Variants in ZNF845 observed in about 807,000 individuals in gnomAD.
ZNF845 encodes the protein zinc finger protein 845.
ZNF845 carries 59 observed loss-of-function variants against 76.1 expected under a neutral mutation model. That is an observed-to-expected ratio of 0.78 (90% CI 0.63 to 0.96). ZNF845 has a LOEUF of 0.96. Among genes scored for constraint, ZNF845 ranks in the 40% least tolerant of loss-of-function variants. The pLI is 0.00. For missense variants in ZNF845, 1,045 were observed against 1,172.8 expected (o/e 0.89, Z 1.59); for synonymous variants, 361 against 386.9 (o/e 0.93, Z 0.78).
intron 1 of ZNF845, among the ~76,000 whole-genome samples, chr19:53,336,917 T>G (rs553689776): frequency 6.6e-6 from 1 of 152,364 alleles, no homozygotes; most frequent in South Asian, 2.1e-4. Context: ...AAATGTAGTT[T>G]AACGAGTTAG....
At chr19:53,348,705 A>T (rs1599982914) in intron 3 of ZNF845, among the ~76,000 whole-genome samples, 1 of 152,136 alleles carries the variant, frequency 6.6e-6, no homozygotes, top group African/African-American at 2.4e-5. Context: ...AAATTTTCCC[A>T]GTACACATTC....
intron 1 of ZNF845, among the ~76,000 whole-genome samples, chr19:53,337,926 C>T (rs2085227292): frequency 6.6e-6 from 1 of 152,148 alleles, no homozygotes; most frequent in Non-Finnish European, 1.5e-5. Flanking sequence ...ATCTCAAACT[C>T]ATGACCTCAG....
chr19:53,342,159 G>A (rs2085261218), intron 2 of ZNF845, among the ~76,000 whole-genome samples: 1 of 151,444 alleles, frequency 6.6e-6, no homozygotes, highest in Non-Finnish European at 1.5e-5. Context: ...TTGTCGCCCA[G>A]GCTGAAGTGC....
intron 2 of ZNF845, among the ~76,000 whole-genome samples, chr19:53,342,440 T>C (rs973004150): frequency 1.3e-5 from 2 of 152,190 alleles, no homozygotes; most frequent in Admixed American, 1.3e-4. Context: ...AATATATATT[T>C]TTATATGTAA....
In ZNF845 at chr19:53,355,234, C is replaced by T. The variant is rs1044699265; in HGVS notation, c.*1646C>T. The T allele has an allele frequency of 6.6e-5, 10 of 151,460 alleles. No individual in the cohort carries two copies. The highest frequency in any genetic ancestry group is 9.7e-5 in the African/African-American group (4 of 41,188). 9.4% of individuals were successfully genotyped at this position (151,460 alleles called of 1,614,324 possible). ...GCCAGTGATTTTCTATATAGAATGT[C>T]GTATCATCTACAAGGAAATAATTTT... On this transcript the variant is annotated 3_prime_UTR_variant, in exon 4 of 4. Coordinates refer to ENST00000458035, the MANE Select transcript of ZNF845 (RefSeq NM_138374.3).
At position 53,344,615 on chromosome 19, in the gene ZNF845, T is replaced by TTATGTTATGTTATG. The variant is rs59952944; in HGVS notation, c.16-890_16-889insATGTTATGTTATGT. 7.1e-4 allele frequency among the ~76,000 whole-genome samples: 94 copies of TTATGTTATGTTATG among 132,354 alleles called. 1 individual carries two copies. Among genetic ancestry groups the TTATGTTATGTTATG allele is most frequent in the Admixed American group, 1.8e-3 (24 of 13,166 alleles). The allele number at this position is 132,354 out of a possible 152,430, so 86.8% of individuals were successfully genotyped here. On this transcript the variant is annotated intron_variant, in intron 2 of 3. Coordinates refer to ENST00000458035, the MANE Select transcript of ZNF845 (RefSeq NM_138374.3). ...TTTTATTTTATTTTATTTATTTTATTTTATTTTATTTTATTTTATTTTATT... is the reference window on the plus strand; with the variant it reads ...TTTTATTTTATTTTATTTATTTTATTTATGTTATGTTATGTTATTTTATTTTATTTTATTTTATT...
At position 53,351,274 on chromosome 19, in the gene ZNF845, C is replaced by T. The variant is rs750958161; in HGVS notation, c.599C>T (p.Ser200Leu). 6.1e-5 allele frequency: 99 copies of T among 1,614,108 alleles called. No individual in the cohort carries two copies. The highest frequency in any genetic ancestry group is 7.6e-5 in the Non-Finnish European group (90 of 1,180,054). The change falls in exon 4 of 4, where the codon TCA (serine) becomes TTA (leucine). Residue 200 changes from serine to leucine, a missense_variant. Coordinates refer to ENST00000458035, the MANE Select transcript of ZNF845 (RefSeq NM_138374.3). ...TATGGGAATAATTTCCTGAATTCTT[C>T]ATTACTCACACAAAAGCAGGAAGTA... ...KNYGNNFLNS[S>L]LLTQKQEVHM...
At chr19:53,350,742 G>C in intron 3 of ZNF845, 76 bp from the exon 4 acceptor site, 2 of 1,510,562 alleles carry the variant, frequency 1.3e-6, no homozygotes, top group Non-Finnish European at 1.8e-6. Flanking sequence ...ATTGTTTTTA[G>C]TGTCACATTT....
In ZNF845 at chr19:53,344,644, T is replaced by TGTTATGTTATGTTATGTTATGTTA. The variant is rs1347350507; in HGVS notation, c.16-862_16-861insGTTATGTTATGTTATGTTATGTTA. ...TTTTATTTTATTTTATTTTATTTTA[T>TGTTATGTTATGTTATGTTATGTTA]TTTGGGATGGAGTTTCACTCTTGTT... On this transcript the variant is annotated intron_variant, in intron 2 of 3. Transcript: ENST00000458035. Among the ~76,000 whole-genome samples the TGTTATGTTATGTTATGTTATGTTA allele has an allele frequency of 3.4e-4, 51 of 150,906 alleles. 1 individual carries two copies. The highest frequency in any genetic ancestry group is 1.3e-3 in the Admixed American group (20 of 14,922).
intron 1 of ZNF845, 171 bp from the exon 2 acceptor site, chr19:53,341,061 GCTT>G (rs771128660): frequency 2.7e-4 from 177 of 645,398 alleles, no homozygotes; most frequent in Admixed American, 4.6e-4. Flanking sequence ...TGCTCTGCAT[GCTT>G]CTTTCTGTTT....
intron 1 of ZNF845, among the ~76,000 whole-genome samples, chr19:53,334,745 C>CAAAA (rs376494549): frequency 7.1e-6 from 1 of 141,290 alleles, no homozygotes; most frequent in Non-Finnish European, 1.5e-5. Context: ...CCATCTCTGT[C>CAAAA]AAAAAAAAAA....
chr19:53,339,518 G>C (rs2085241439), intron 1 of ZNF845, among the ~76,000 whole-genome samples: 1 of 152,140 alleles, frequency 6.6e-6, no homozygotes, highest in Non-Finnish European at 1.5e-5. Flanking sequence ...CTCATTGCCT[G>C]CAATTCTATC....
intron 1 of ZNF845, chr19:53,341,030 C>A: frequency 1.9e-6 from 1 of 540,474 alleles, no homozygotes; most frequent in Non-Finnish European, 3.2e-6. Flanking sequence ...ACCCTCACCC[C>A]CTCCTCTGGT....
intron 3 of ZNF845, among the ~76,000 whole-genome samples, chr19:53,347,083 T>C (rs1279451237): frequency 2.0e-5 from 3 of 151,784 alleles, no homozygotes; most frequent in Non-Finnish European, 4.4e-5. Flanking sequence ...GGGTTTCTCC[T>C]TGTTGGTCAG....
chr19:53,350,821 T>C lies in ZNF845; in HGVS notation c.146T>C (p.Ile49Thr), dbSNP rs1599985447. The C allele has an allele frequency of 5.0e-6, 8 of 1,612,976 alleles. No homozygotes were observed. The East Asian group carries it at 1.6e-4, about 31-fold the overall frequency. The change falls in exon 4 of 4, where the codon ATC becomes ACC. Residue 49 changes from isoleucine (I) to threonine (T), a missense_variant. Ile to Thr is a moderately conservative substitution (Grantham distance 89, BLOSUM62 -1). Coordinates refer to ENST00000458035, the MANE Select transcript of ZNF845 (RefSeq NM_138374.3). ...TATTGGTGTTTATATTTTCTAGATA[T>C]CTCTTCCAAATGCATGATGAAGGAG... ...ENYRNLVSLD[I>T]SSKCMMKEFS...
rs574775379 is a variant in ZNF845, at chr19:53,346,848, A to G, written c.142+1216A>G. On this transcript the variant is annotated intron_variant, in intron 3 of 3. Coordinates refer to ENST00000458035, the MANE Select transcript of ZNF845 (RefSeq NM_138374.3). ...GAAAGTTGTGTTATGAAGAAAAGGT[A>G]CACTTATACAAGTTTCTGTGTCTAT... 2.5e-4 allele frequency among the ~76,000 whole-genome samples: 38 copies of G among 152,066 alleles called. No individual in the cohort carries two copies. The South Asian group carries it at 7.3e-3, about 29-fold the overall frequency.
rs373737706 is a variant in ZNF845 at position 53,353,934 on chromosome 19, G to A, written c.*346G>A. 3.2e-5 allele frequency: 26 copies of A among 801,770 alleles called. No individual in the cohort carries two copies. The highest frequency in any genetic ancestry group is 2.4e-4 in the East Asian group (7 of 28,840). The allele number at this position is 801,770 out of a possible 1,614,324, so 49.7% of individuals were successfully genotyped here. On this transcript the variant is annotated 3_prime_UTR_variant, in exon 4 of 4. Coordinates refer to ENST00000458035, the MANE Select transcript of ZNF845 (RefSeq NM_138374.3). ...GAGAGATTTTGAAAGTGTAATAAAT[G>A]TGGCAAATTTTTCAGACATTGTTCA...
In ZNF845 at chr19:53,351,048, C is replaced by A; in HGVS notation, c.373C>A (p.Arg125=). The stretch of plus-strand genomic sequence containing the variant: ...CAAACAGTTGACGGGTAGTACAAAC[C>A]GACATGATCAAAGGCATGCTGGAAA... ...EIKQLTGSTN[R]HDQRHAGNKP... The change falls in exon 4 of 4, where the codon CGA becomes AGA. Residue 125 remains arginine, a synonymous_variant. Coordinates refer to ENST00000458035, the MANE Select transcript of ZNF845 (RefSeq NM_138374.3). 2 of 1,614,126 alleles carry A rather than the reference C, an allele frequency of 1.2e-6. No individual in the cohort carries two copies. Among genetic ancestry groups the A allele is most frequent in the Non-Finnish European group, 8.5e-7 (1 of 1,180,010 alleles).
intron 2 of ZNF845, 110 bp from the exon 3 acceptor site, chr19:53,345,396 C>G: frequency 6.3e-7 from 1 of 1,589,314 alleles, no homozygotes; most frequent in Non-Finnish European, 8.6e-7. Flanking sequence ...TCGGATTTGT[C>G]AGAACATTCA....
Sources: gnomAD v4.1 joint callset for allele counts (sites outside exome capture counted in the v4.1 genomes callset) on GRCh38, gnomAD v4.1.1 for gene constraint, MANE v1.5 for transcripts, NCBI Gene and HGNC (gene_info 2026-07-23, HGNC 2026-07-21) for gene names.